Variants in EPB41L5 observed in about 807,000 individuals in gnomAD.
EPB41L5 encodes the protein erythrocyte membrane protein band 4.1 like 5.
EPB41L5 carries 55 observed loss-of-function variants against 106.6 expected under a neutral mutation model. The observed-to-expected ratio is 0.52, with a 90% CI of 0.42 to 0.65. EPB41L5 has a LOEUF of 0.65. Among genes scored for constraint, EPB41L5 ranks in the 30% least tolerant of loss-of-function variants. The pLI is 0.00. For missense variants in EPB41L5, 871 were observed against 882.1 expected (o/e 0.99, Z 0.16); for synonymous variants, 297 against 306.7 (o/e 0.97, Z 0.33).
At chr2:120,041,675 CTTTTA>C (rs1418685002) in intron 2 of EPB41L5, among the ~76,000 whole-genome samples, 1 of 152,084 alleles carries the variant, frequency 6.6e-6, no homozygotes, top group African/African-American at 2.4e-5. Flanking sequence ...CATTATGGCC[CTTTTA>C]AAGTAGGGAC....
chr2:120,033,298 T>G (rs1000165558), intron 2 of EPB41L5, among the ~76,000 whole-genome samples: 2 of 152,246 alleles, frequency 1.3e-5, no homozygotes, highest in African/African-American at 4.8e-5. Context: ...TATAGTTTTT[T>G]CTCAGGAAGG....
At chr2:120,022,282 C>T (rs926802473) in intron 2 of EPB41L5, among the ~76,000 whole-genome samples, 4 of 152,058 alleles carry the variant, frequency 2.6e-5, no homozygotes, top group Non-Finnish European at 5.9e-5. Flanking sequence ...TTGCTGTACA[C>T]ATCAACCCGT....
chr2:120,150,661 CTT>C (rs936630423), intron 20 of EPB41L5, among the ~76,000 whole-genome samples: 91 of 149,192 alleles, frequency 6.1e-4, no homozygotes, highest in African/African-American at 2.2e-3. Flanking sequence ...ATTTTTATTT[CTT>C]TTTTTTTTCT....
intron 24 of EPB41L5, among the ~76,000 whole-genome samples, chr2:120,173,848 A>G (rs1359398702): frequency 1.3e-5 from 2 of 151,864 alleles, no homozygotes; most frequent in African/African-American, 2.4e-5. Flanking sequence ...TCACCTGGCT[A>G]TTTTTGTTGT....
chr2:120,014,558 A>G (rs1677381573), intron 1 of EPB41L5, among the ~76,000 whole-genome samples: 1 of 152,346 alleles, frequency 6.6e-6, no homozygotes, highest in East Asian at 1.9e-4. Context: ...AAGAGTACTG[A>G]AAGAGATGTC....
At chr2:120,069,086 C>CCAG (rs1681665049) in intron 3 of EPB41L5, among the ~76,000 whole-genome samples, 1 of 140,014 alleles carries the variant, frequency 7.1e-6, no homozygotes, top group South Asian at 2.3e-4. Context: ...CAAGATCATG[C>CCAG]CATTGCACTC....
At chr2:120,160,633 T>C in intron 20 of EPB41L5, 1 of 424,900 alleles carries the variant, frequency 2.4e-6, no homozygotes, top group Non-Finnish European at 4.2e-6. Flanking sequence ...GTAAGAGGGT[T>C]ACCCTTTCTA....
intron 3 of EPB41L5, among the ~76,000 whole-genome samples, chr2:120,065,122 T>G (rs1424044006): frequency 6.6e-6 from 1 of 152,138 alleles, no homozygotes; most frequent in Non-Finnish European, 1.5e-5. Flanking sequence ...TGTTTATTTA[T>G]GTACTTACAT....
At chr2:120,076,332 CAG>C (rs1682230519) in intron 7 of EPB41L5, among the ~76,000 whole-genome samples, 2 of 151,626 alleles carry the variant, frequency 1.3e-5, no homozygotes, top group Non-Finnish European at 2.9e-5. Flanking sequence ...TTTTTTGAGA[CAG>C]GGTCTCACTC....
At chr2:120,017,049 G>A (rs959748470) in intron 1 of EPB41L5, among the ~76,000 whole-genome samples, 8 of 152,118 alleles carry the variant, frequency 5.3e-5, no homozygotes, top group East Asian at 1.9e-4. Flanking sequence ...ATTTTAATAT[G>A]GTACTATCTT....
chr2:120,168,612 A>G (rs957782695), intron 24 of EPB41L5, among the ~76,000 whole-genome samples: 2 of 152,234 alleles, frequency 1.3e-5, no homozygotes, highest in African/African-American at 2.4e-5. Flanking sequence ...TTTTCTGAAT[A>G]TATCCCACAT....
intron 16 of EPB41L5, among the ~76,000 whole-genome samples, chr2:120,123,924 C>T (rs1438155239): frequency 6.6e-6 from 1 of 152,090 alleles, no homozygotes; most frequent in Non-Finnish European, 1.5e-5. Context: ...TCCCAAAGTG[C>T]CTGGATTACA....
At chr2:120,106,928 AT>A (rs1187123961) in intron 16 of EPB41L5, 11 of 949,728 alleles carry the variant, frequency 1.2e-5, no homozygotes, top group Non-Finnish European at 1.4e-5. Flanking sequence ...TATGTGTATA[AT>A]ATGTCTGTTT....
chr2:120,139,553 A>G (rs1227256144), intron 18 of EPB41L5, among the ~76,000 whole-genome samples: 4 of 152,208 alleles, frequency 2.6e-5, no homozygotes, highest in East Asian at 3.9e-4. Context: ...AAGACATACA[A>G]ATGGCAAACA....
chr2:120,036,545 A>G (rs557872072), intron 2 of EPB41L5, among the ~76,000 whole-genome samples: 1 of 152,360 alleles, frequency 6.6e-6, no homozygotes, highest in African/African-American at 2.4e-5. Flanking sequence ...AGTAAAAGAT[A>G]ACAAACTGTG....
intron 16 of EPB41L5, among the ~76,000 whole-genome samples, chr2:120,125,477 T>G (rs936879037): frequency 6.6e-6 from 1 of 152,198 alleles, no homozygotes; most frequent in African/African-American, 2.4e-5. Context: ...TGAATTTTCC[T>G]AAGAACACTC....
chr2:120,164,524 T>G (rs1190763242), intron 21 of EPB41L5, among the ~76,000 whole-genome samples: 1 of 152,184 alleles, frequency 6.6e-6, no homozygotes, highest in Non-Finnish European at 1.5e-5. Context: ...AATAATTTTT[T>G]TGTAATTAAA....
chr2:120,155,089 G>C (rs1229776475), intron 20 of EPB41L5, among the ~76,000 whole-genome samples: 2 of 152,122 alleles, frequency 1.3e-5, no homozygotes, highest in African/African-American at 4.8e-5. Context: ...ACCTTTACCA[G>C]TAATTTTCTC....
Position 120,042,998 on chromosome 2 carries a change from TGTGTGTGTGTGTG to T in EPB41L5, c.285+889_285+901del, listed in dbSNP as rs1679503719. Among the ~76,000 whole-genome samples the T allele has an allele frequency of 2.2e-3, 285 of 127,602 alleles. 1 individual carries two copies. The highest frequency in any genetic ancestry group is 3.9e-3 in the Admixed American group (51 of 13,196). The allele number at this position is 127,602 out of a possible 152,430, so 83.7% of individuals were successfully genotyped here. ...CATTAAGCCTTTTTTTCTGGAAATG[TGTGTGTGTGTGTG>T]TGTGTGTGTGTGTGTGTGTGTGTGT... On this transcript the variant is annotated intron_variant, in intron 3 of 24. Transcript: ENST00000263713.
Sources: allele counts gnomAD v4.1 joint callset (sites outside exome capture counted in the v4.1 genomes callset), GRCh38; gene constraint gnomAD v4.1.1; transcripts MANE v1.5; gene names NCBI Gene and HGNC (gene_info 2026-07-23, HGNC 2026-07-21).